Variants in AGT observed in about 807,000 individuals in gnomAD.
The protein encoded by AGT is angiotensinogen.
Under a neutral mutation model 28.1 loss-of-function variants are expected in AGT, and 26 were observed. The ratio of observed to expected loss-of-function variants is 0.92; its 90% CI spans 0.68 to 1.28. AGT has a LOEUF of 1.28. Among genes scored for constraint, AGT ranks in the 50% most tolerant of loss-of-function variants. The probability of loss-of-function intolerance (pLI) is 0.00; values close to 1 mark genes in which losing one functional copy is unlikely to be tolerated. For missense variants in AGT, 596 were observed against 592.3 expected (o/e 1.01, Z -0.06); for synonymous variants, 259 against 259.6 (o/e 1.00, Z 0.02).
chr1:230,731,525 C>T (rs747604245), intron 1 of AGT, among the ~76,000 whole-genome samples: 4 of 152,214 alleles, frequency 2.6e-5, no homozygotes, highest in Non-Finnish European at 5.9e-5. Flanking sequence ...CCATGCACCT[C>T]CTTGTCCTCT....
chr1:230,736,165 T>TTGTGTGTGTGTGTGTG (rs375559522), intron 1 of AGT, among the ~76,000 whole-genome samples: 4 of 149,532 alleles, frequency 2.7e-5, no homozygotes, highest in African/African-American at 9.8e-5. Context: ...AAGGCAAAGT[T>TTGTGTGTGTGTGTGTG]TGTGTGTGTG....
Position 230,711,097 on chromosome 1 carries a change from C to T in AGT, c.-30-244G>A, listed in dbSNP as rs11568030. Among the ~76,000 whole-genome samples, 4,368 of 152,264 alleles carry T rather than the reference C, an allele frequency of 0.029. 95 individuals carry two copies. Among genetic ancestry groups the T allele is most frequent in the Non-Finnish European group, 0.041 (2,784 of 68,030 alleles). On this transcript the variant is annotated intron_variant, in intron 1 of 4. Transcript: ENST00000366667. ...TACCTCCCCCAACGGCCATAATGCC[C>T]GTGTTGAAGTCCTCAACCCCAGGAC...
chr1:230,744,904 T>C (rs756278710), intron 1 of AGT, among the ~76,000 whole-genome samples: 2 of 152,220 alleles, frequency 1.3e-5, no homozygotes, highest in African/African-American at 4.8e-5. Flanking sequence ...CCCAGAGATC[T>C]GGGCTGGTAA....
At chr1:230,719,406 G>GTTTTTTTTTTTTGTTTGTTTTTGTTTTT (rs1663801025), upstream of AGT, among the ~76,000 whole-genome samples, 1 of 100,332 alleles carries the variant, frequency 1.0e-5, no homozygotes, top group African/African-American at 4.0e-5. Context: ...TTATCATTAT[G>GTTTTTTTTTTTTGTTTGTTTTTGTTTTT]TTTTTTTTTT....
Position 230,703,206 on chromosome 1 carries a change from AC to A in AGT, c.1365del (p.Tyr456MetfsTer18). The A allele has an allele frequency of 1.9e-6, 3 of 1,614,216 alleles. No individual in the cohort carries two copies. The highest frequency in any genetic ancestry group is 2.5e-6 in the Non-Finnish European group (3 of 1,180,036). On this transcript the variant is annotated frameshift_variant, in exon 5 of 5. Coordinates refer to ENST00000366667, the MANE Select transcript of AGT (RefSeq NM_001384479.1). LOFTEE classifies it low-confidence loss of function (END_TRUNC). The part of the protein sequence containing the change: ...VTLNRPFLFA[V>X]YDQSATALHF... ...TGCAGGGCAGTGGCGCTTTGATCATACACAGCAAACAGGAATGGGCGGTTCA... is the reference window on the plus strand; with the variant it reads ...TGCAGGGCAGTGGCGCTTTGATCATAACAGCAAACAGGAATGGGCGGTTCA...
chr1:230,710,522 G>T lies in AGT; in HGVS notation c.302C>A (p.Ala101Asp). The T allele has an allele frequency of 1.2e-6, 2 of 1,614,224 alleles. No individual in the cohort carries two copies. The highest frequency in any genetic ancestry group is 1.3e-5 in the African/African-American group (1 of 75,058). The change falls in exon 2 of 5, where the codon GCC becomes GAC. Residue 101 changes from alanine (A) to aspartate (D), a missense_variant. Transcript: ENST00000366667. The part of the protein sequence containing the change: ...KLRAAMVGML[A>D]NFLGFRIYGM... ...ATATATACGGAAGCCCAAGAAGTTG[G>T]CCAGCATCCCGACCATTGCGGCCCT... is the stretch of plus-strand genomic sequence containing the variant.
intron 1 of AGT, among the ~76,000 whole-genome samples, chr1:230,724,288 G>C (rs985633794): frequency 1.3e-5 from 2 of 152,190 alleles, no homozygotes; most frequent in Admixed American, 6.5e-5. Flanking sequence ...CATGACAGAG[G>C]AGTTAGCTAT....
At chr1:230,708,291 C>A (rs1373553470) in intron 2 of AGT, among the ~76,000 whole-genome samples, 5 of 152,160 alleles carry the variant, frequency 3.3e-5, no homozygotes, top group Non-Finnish European at 7.3e-5. Flanking sequence ...TGCTCTCTTT[C>A]GAAGGGAGAC....
At chr1:230,720,088 A>G (rs1254451375) in intron 1 of AGT, among the ~76,000 whole-genome samples, 1 of 152,168 alleles carries the variant, frequency 6.6e-6, no homozygotes, top group Non-Finnish European at 1.5e-5. Context: ...GAAAATCCTC[A>G]GGTTTGCACA....
In AGT at chr1:230,704,318, G is replaced by C. The variant is rs61762527; in HGVS notation, c.1117C>G (p.Pro373Ala). The change falls in exon 4 of 5, where the codon CCC becomes GCC. Residue 373 changes from proline (P) to alanine (A), a missense_variant. Coordinates refer to ENST00000366667, the MANE Select transcript of AGT (RefSeq NM_001384479.1). ...TAAGATCCTTGCAGCACCAGTTGGGGCATGGTCAGGTGGATGGTCCTGGGG... is the reference window on the plus strand; with the variant it reads ...TAAGATCCTTGCAGCACCAGTTGGGCCATGGTCAGGTGGATGGTCCTGGGG... The part of the protein sequence containing the change: ...LSPRTIHLTM[P>A]QLVLQGSYDL... The C allele has an allele frequency of 6.2e-6, 10 of 1,614,094 alleles. No individual in the cohort carries two copies. The highest frequency in any genetic ancestry group is 8.5e-6 in the Non-Finnish European group (10 of 1,180,042).
intron 1 of AGT, among the ~76,000 whole-genome samples, chr1:230,722,342 C>T (rs892251562): frequency 6.6e-6 from 1 of 152,226 alleles, no homozygotes; most frequent in African/African-American, 2.4e-5. Flanking sequence ...CCATGAAGAA[C>T]TTCTGCTAGG....
intron 1 of AGT, among the ~76,000 whole-genome samples, chr1:230,741,807 G>A (rs771243298): frequency 2.5e-4 from 38 of 152,314 alleles, no homozygotes; most frequent in Non-Finnish European, 4.0e-4. Context: ...GACATCTTGC[G>A]AGGAGAGATA....
At chr1:230,740,922 G>T (rs1384503867) in intron 1 of AGT, among the ~76,000 whole-genome samples, 1 of 152,180 alleles carries the variant, frequency 6.6e-6, no homozygotes, top group Non-Finnish European at 1.5e-5. Flanking sequence ...ACTCTAGCCT[G>T]GCAACAGAGG....
chr1:230,705,933 C>T lies in AGT; in HGVS notation c.1097G>A (p.Arg366Gln), dbSNP rs74315283. The change falls in exon 3 of 5, where the codon CGG becomes CAG. Residue 366 changes from arginine to glutamine, a missense_variant and splice_region_variant. Coordinates refer to ENST00000366667, the MANE Select transcript of AGT (RefSeq NM_001384479.1). ...CCAGGGGAGACCGGGAGGCTCCTAC[C>T]GGGGAGATAGTTTCTTCATCCAGTT... ...SLNWMKKLSP[R>Q]TIHLTMPQLV... is the part of the protein sequence containing the mutation. The T allele has an allele frequency of 1.4e-5, 22 of 1,613,992 alleles. No homozygotes were observed. Among genetic ancestry groups the T allele is most frequent in the African/African-American group, 1.1e-4 (8 of 75,026 alleles).
chr1:230,719,397 TATC>T (rs1663800066), upstream of AGT, among the ~76,000 whole-genome samples: 3 of 115,430 alleles, frequency 2.6e-5, no homozygotes, highest in African/African-American at 9.3e-5. Context: ...TTATTATTAT[TATC>T]ATTATGTTTT....
upstream of AGT, among the ~76,000 whole-genome samples, chr1:230,715,482 G>A (rs1469337097): frequency 1.3e-5 from 2 of 152,146 alleles, no homozygotes; most frequent in Non-Finnish European, 2.9e-5. Context: ...CACTGCACTC[G>A]AGCCTGGGCT....
chr1:230,730,380 C>A (rs190366871), intron 1 of AGT, among the ~76,000 whole-genome samples: 7 of 152,056 alleles, frequency 4.6e-5, no homozygotes, highest in African/African-American at 1.7e-4. Context: ...AGCCAGGATA[C>A]CCTATATTTT....
chr1:230,705,912 G>A (rs1391886627), intron 3 of AGT, 21 bp downstream of exon 3: 4 of 1,613,626 alleles, frequency 2.5e-6, no homozygotes, highest in South Asian at 2.2e-5. Flanking sequence ...CACATTCCAG[G>A]GGAGACCGGG....
chr1:230,718,804 C>A (rs1000653218), upstream of AGT, among the ~76,000 whole-genome samples: 1 of 148,112 alleles, frequency 6.8e-6, no homozygotes, highest in African/African-American at 2.5e-5. Flanking sequence ...TGGCTCACTG[C>A]AGTCTTGACC....
Sources: allele counts gnomAD v4.1 joint callset (sites outside exome capture counted in the v4.1 genomes callset), GRCh38; gene constraint gnomAD v4.1.1; transcripts MANE v1.5; gene names NCBI Gene and HGNC (gene_info 2026-07-23, HGNC 2026-07-21).